Variants in KCNIP4 observed in about 807,000 individuals in gnomAD.
KCNIP4 encodes Kv channel-interacting protein 4.
A neutral mutation model predicts 34.0 loss-of-function variants in KCNIP4; 12 were observed. The ratio of observed to expected loss-of-function variants is 0.35; its 90% CI spans 0.23 to 0.57. KCNIP4 has a LOEUF of 0.57. Among genes scored for constraint, KCNIP4 ranks in the 20% least tolerant of loss-of-function variants. The pLI is 0.83. For missense variants in KCNIP4, 238 were observed against 311.7 expected (o/e 0.76, Z 1.78); for synonymous variants, 124 against 102.2 (o/e 1.21, Z -1.29).
intron 3 of KCNIP4, among the ~76,000 whole-genome samples, chr4:20,835,246 C>T (rs1347196339): frequency 6.6e-6 from 1 of 152,110 alleles, no homozygotes; most frequent in Non-Finnish European, 1.5e-5. Flanking sequence ...CCTTTGCTAT[C>T]TCTTCCAGCT....
chr4:21,069,877 T>A (rs535579556), intron 1 of KCNIP4, among the ~76,000 whole-genome samples: 1 of 152,244 alleles, frequency 6.6e-6, no homozygotes, highest in African/African-American at 2.4e-5. Context: ...GGGTGTGTAG[T>A]TCTGTGTCAT....
chr4:21,402,187 G>A (rs934222619), intron 1 of KCNIP4, among the ~76,000 whole-genome samples: 1 of 152,086 alleles, frequency 6.6e-6, no homozygotes, highest in African/African-American at 2.4e-5. Flanking sequence ...AAATTCACTG[G>A]CTAGATGGAT....
chr4:21,880,497 A>G (rs545705701), intron 1 of KCNIP4, among the ~76,000 whole-genome samples: 37 of 152,314 alleles, frequency 2.4e-4, no homozygotes, highest in Non-Finnish European at 4.3e-4. Flanking sequence ...AGTTATTTTT[A>G]TATTTTCATC....
intron 3 of KCNIP4, among the ~76,000 whole-genome samples, chr4:20,786,845 A>ATGTT (rs1712063988): frequency 1.1e-5 from 1 of 90,020 alleles, no homozygotes; most frequent in Non-Finnish European, 2.1e-5. Flanking sequence ...ACAGTTCTTT[A>ATGTT]TCTTTATCAA....
chr4:21,429,830 A>G (rs1726277098), intron 1 of KCNIP4, among the ~76,000 whole-genome samples: 1 of 152,160 alleles, frequency 6.6e-6, no homozygotes, highest in Admixed American at 6.5e-5. Context: ...TTGATGATTT[A>G]TTCTTACCAA....
At chr4:21,294,412 A>G (rs911672992) in intron 1 of KCNIP4, among the ~76,000 whole-genome samples, 3 of 152,204 alleles carry the variant, frequency 2.0e-5, no homozygotes, top group Admixed American at 6.5e-5. Context: ...TATTAGTTTT[A>G]TAAGAATCCT....
At chr4:20,868,998 A>G (rs556536502) in intron 2 of KCNIP4, among the ~76,000 whole-genome samples, 3 of 152,238 alleles carry the variant, frequency 2.0e-5, no homozygotes, top group African/African-American at 7.2e-5. Context: ...ACATTACTGT[A>G]AAGAGATAGA....
At chr4:21,483,423 G>A (rs868765317) in intron 1 of KCNIP4, among the ~76,000 whole-genome samples, 35 of 152,100 alleles carry the variant, frequency 2.3e-4, no homozygotes, top group African/African-American at 8.0e-4. Flanking sequence ...AATCATGGGG[G>A]GAGTTTCCAA....
intron 1 of KCNIP4, among the ~76,000 whole-genome samples, chr4:21,300,396 C>T (rs751645775): frequency 2.6e-5 from 4 of 152,260 alleles, no homozygotes; most frequent in Non-Finnish European, 4.4e-5. Flanking sequence ...GAATTTAAAA[C>T]ACTGGCCACA....
chr4:21,253,512 C>T (rs190595507), intron 1 of KCNIP4, among the ~76,000 whole-genome samples: 5 of 152,302 alleles, frequency 3.3e-5, no homozygotes, highest in Admixed American at 1.3e-4. Context: ...ATCTAGTCTA[C>T]ATTATTAAGT....
chr4:20,766,617 T>A (rs1755441871), intron 3 of KCNIP4, among the ~76,000 whole-genome samples: 1 of 152,092 alleles, frequency 6.6e-6, no homozygotes, highest in Non-Finnish European at 1.5e-5. Context: ...ACAATTCAAT[T>A]CAATGTCCTC....
intron 1 of KCNIP4, among the ~76,000 whole-genome samples, chr4:21,141,972 A>C (rs760664705): frequency 1.3e-5 from 2 of 151,854 alleles, no homozygotes; most frequent in Non-Finnish European, 2.9e-5. Flanking sequence ...CAACATAGTG[A>C]AACCCTGTCT....
rs200658603 is a variant in KCNIP4 at position 21,519,580 on chromosome 4, GTGTGTA to G, written c.61+428985_61+428990del. Among the ~76,000 whole-genome samples the G allele has an allele frequency of 8.6e-3, 202 of 23,476 alleles. 42 individuals carry two copies. Among genetic ancestry groups the G allele is most frequent in the African/African-American group, 0.031 (178 of 5,822 alleles). 15.4% of individuals were successfully genotyped at this position (23,476 alleles called of 152,430 possible). A position where few individuals can be genotyped will look rare whatever the true frequency, so the allele number is the denominator to read the frequency against. Reference sequence around the variant, plus strand: ...TGTATGTGTATATATACACATATGTGTGTGTATGTATGTGTATATATACACATATGT... The same window carrying G: ...TGTATGTGTATATATACACATATGTGTGTATGTGTATATATACACATATGT... On this transcript the variant is annotated intron_variant, in intron 1 of 8. Transcript: ENST00000382152.
At chr4:21,934,775 G>A (rs943763446) in intron 1 of KCNIP4, among the ~76,000 whole-genome samples, 1 of 152,026 alleles carries the variant, frequency 6.6e-6, no homozygotes, top group Admixed American at 6.6e-5. Context: ...CGATGCCTTG[G>A]TTAATAAATA....
intron 1 of KCNIP4, among the ~76,000 whole-genome samples, chr4:21,875,653 T>G (rs913686129): frequency 6.6e-6 from 1 of 152,200 alleles, no homozygotes; most frequent in Non-Finnish European, 1.5e-5. Flanking sequence ...TGTTCAGCAC[T>G]GAGAGAAGAA....
At chr4:21,084,909 T>C (rs1577664256) in intron 1 of KCNIP4, among the ~76,000 whole-genome samples, 1 of 150,274 alleles carries the variant, frequency 6.7e-6, no homozygotes, top group South Asian at 2.1e-4. Flanking sequence ...AATTTACTGC[T>C]ACTGACTTCA....
intron 1 of KCNIP4, among the ~76,000 whole-genome samples, chr4:21,940,769 T>C (rs1382087768): frequency 6.6e-6 from 1 of 152,196 alleles, no homozygotes; most frequent in Non-Finnish European, 1.5e-5. Flanking sequence ...TAAATTAAAC[T>C]TCTCTCCAAA....
At chr4:21,070,843 T>C (rs1056945529) in intron 1 of KCNIP4, among the ~76,000 whole-genome samples, 2 of 151,414 alleles carry the variant, frequency 1.3e-5, no homozygotes, top group Non-Finnish European at 2.9e-5. Flanking sequence ...GCACGGCTAA[T>C]TTTTTGTATT....
intron 1 of KCNIP4, among the ~76,000 whole-genome samples, chr4:21,567,767 T>C (rs562833591): frequency 1.3e-3 from 200 of 152,196 alleles, no homozygotes; most frequent in Middle Eastern, 6.8e-3. Flanking sequence ...TGGATGAGGA[T>C]GGAAGTTACT....
Sources: allele counts gnomAD v4.1 joint callset (sites outside exome capture counted in the v4.1 genomes callset), GRCh38; gene constraint gnomAD v4.1.1; transcripts MANE v1.5; gene names NCBI Gene and HGNC (gene_info 2026-07-23, HGNC 2026-07-21).